The following TMEM200A variants were observed in gnomAD, a reference collection of about 807,000 sequenced individuals.
The protein encoded by TMEM200A is two transmembrane C.
Under a neutral mutation model 24.3 loss-of-function variants are expected in TMEM200A, and 12 were observed. The ratio of observed to expected loss-of-function variants is 0.49; its 90% confidence interval spans 0.32 to 0.80. The LOEUF (loss-of-function observed/expected upper bound fraction) is 0.80, where lower values mean the gene tolerates loss of function less well. TMEM200A is among the 30% of genes least tolerant of loss of function. The pLI, the probability that TMEM200A is intolerant of heterozygous loss-of-function variation, is 0.04. For missense variants in TMEM200A, 545 were observed against 614.4 expected (o/e 0.89, Z 1.19); for synonymous variants, 224 against 224.4 (o/e 1.00, Z 0.02).
At chr6:130,400,060 A>G (rs2115130011) in intron 2 of TMEM200A, among the ~76,000 whole-genome samples, 1 of 151,952 alleles carries the variant, frequency 6.6e-6, no homozygotes, top group South Asian at 2.1e-4. Context: ...ATATATATAC[A>G]TACACACACA....
intron 2 of TMEM200A, among the ~76,000 whole-genome samples, chr6:130,435,409 A>AATG (rs1779978901): frequency 6.6e-6 from 1 of 152,176 alleles, no homozygotes; most frequent in African/African-American, 2.4e-5. Context: ...ATGTCATCAA[A>AATG]ATGATGGTTG....
intron 2 of TMEM200A, among the ~76,000 whole-genome samples, chr6:130,386,156 C>T (rs1330685438): frequency 6.6e-6 from 1 of 152,062 alleles, no homozygotes; most frequent in African/African-American, 2.4e-5. Flanking sequence ...TAATCACAGC[C>T]CCTCTAAGAT....
intron 2 of TMEM200A, among the ~76,000 whole-genome samples, chr6:130,414,837 T>C (rs778287867): frequency 7.9e-5 from 12 of 152,128 alleles, no homozygotes; most frequent in Non-Finnish European, 1.6e-4. Flanking sequence ...TATAATCTAG[T>C]GGAGGAGACA....
chr6:130,422,635 T>TAATA, intron 2 of TMEM200A, among the ~76,000 whole-genome samples: 2 of 152,288 alleles, frequency 1.3e-5, no homozygotes, highest in Middle Eastern at 6.8e-3. Flanking sequence ...TGGGATATCA[T>TAATA]AATACTCGTG....
At chr6:130,410,107 T>C (rs753628162) in intron 2 of TMEM200A, among the ~76,000 whole-genome samples, 11 of 152,208 alleles carry the variant, frequency 7.2e-5, no homozygotes, top group Non-Finnish European at 1.6e-4. Flanking sequence ...GTTTAAGTTA[T>C]GGAATTGAGC....
rs1463913140 is a variant in TMEM200A, at chr6:130,419,007, C to T, written c.-16-21400C>T. Among the ~76,000 whole-genome samples, 3 of 152,044 alleles carry T rather than the reference C, an allele frequency of 2.0e-5. No individual in the cohort carries two copies. The East Asian group carries it at 5.8e-4, about 29-fold the overall frequency. On this transcript the variant is annotated intron_variant, in intron 2 of 2. Transcript: ENST00000296978. ...CCTACTCTGCTATTGAACATGAGAA[C>T]TTATTTCTTCTATCTAACTGTATGT...
chr6:130,440,549 C>T lies in TMEM200A; in HGVS notation c.127C>T (p.Arg43Trp), dbSNP rs375790729. 17 of 1,613,992 alleles carry T rather than the reference C, an allele frequency of 1.1e-5. No homozygotes were observed. The highest frequency in any genetic ancestry group is 4.4e-5 in the South Asian group (4 of 91,082). ...CCAAGAGAAGAAGCCCATCAGGCGC[C>T]GGCCCCGGGCAGATGTTGTGGTTGT... ...ATQEKKPIRRRPRADVVVVRG... is the reference protein window; with the variant it reads ...ATQEKKPIRRWPRADVVVVRG... Residue 43 changes from arginine to tryptophan, a missense_variant, in exon 3 of 3, where the codon CGG (arginine) becomes TGG (tryptophan). Physicochemically the swap from Arg to Trp is moderately radical, Grantham distance 101. Transcript: ENST00000296978.
At chr6:130,387,278 GT>G (rs1442239602) in intron 2 of TMEM200A, among the ~76,000 whole-genome samples, 1 of 152,058 alleles carries the variant, frequency 6.6e-6, no homozygotes, top group Non-Finnish European at 1.5e-5. Context: ...AGTTGTGTTT[GT>G]TTGTTTGTTT....
At chr6:130,408,111 A>C (rs6420748) in intron 2 of TMEM200A, among the ~76,000 whole-genome samples, 46,743 of 152,044 alleles carry the variant, frequency 0.31, 10,424 homozygotes, top group African/African-American at 0.63. Flanking sequence ...CAGGATAGTA[A>C]TAAAAGTGCC....
At chr6:130,392,950 T>G (rs539213902) in intron 2 of TMEM200A, among the ~76,000 whole-genome samples, 143 of 152,350 alleles carry the variant, frequency 9.4e-4, no homozygotes, top group Non-Finnish European at 1.8e-3. Flanking sequence ...GCACATTTCT[T>G]GACATGTAGT....
At chr6:130,365,878 C>A, upstream of TMEM200A, 1 of 985,618 alleles carries the variant, frequency 1.0e-6, no homozygotes, top group Non-Finnish European at 1.2e-6. Context: ...TGGGGTTTCC[C>A]ACAGGTTTTG....
At chr6:130,371,558 T>C (rs1778321993) in intron 1 of TMEM200A, among the ~76,000 whole-genome samples, 1 of 152,084 alleles carries the variant, frequency 6.6e-6, no homozygotes, top group South Asian at 2.1e-4. Context: ...GTGCCAGAAT[T>C]CCAGGTCAAA....
chr6:130,385,632 A>T (rs1204245575), intron 2 of TMEM200A, among the ~76,000 whole-genome samples: 1 of 152,202 alleles, frequency 6.6e-6, no homozygotes, highest in African/African-American at 2.4e-5. Context: ...TACAGAAAAA[A>T]ATAATTTTCT....
intron 2 of TMEM200A, among the ~76,000 whole-genome samples, chr6:130,401,509 T>C (rs139837195): frequency 4.6e-5 from 7 of 151,638 alleles, no homozygotes; most frequent in African/African-American, 1.4e-4. Context: ...CTCTCTTTCT[T>C]TTTTCTTTAC....
At chr6:130,372,890 CAATAGAAT>C (rs1252201675) in intron 1 of TMEM200A, among the ~76,000 whole-genome samples, 1 of 152,106 alleles carries the variant, frequency 6.6e-6, no homozygotes, top group African/African-American at 2.4e-5. Flanking sequence ...TAGAACAACT[CAATAGAAT>C]AATATGTAAA....
At chr6:130,373,470 G>A (rs1342837767) in intron 1 of TMEM200A, among the ~76,000 whole-genome samples, 1 of 151,960 alleles carries the variant, frequency 6.6e-6, no homozygotes, top group African/African-American at 2.4e-5. Flanking sequence ...AACCTACTCT[G>A]TTTGCTTAAT....
intron 2 of TMEM200A, among the ~76,000 whole-genome samples, chr6:130,419,112 T>C (rs1248704589): frequency 1.3e-5 from 2 of 152,174 alleles, no homozygotes; most frequent in African/African-American, 4.8e-5. Flanking sequence ...ACCATCCTAG[T>C]CTCTACCTCT....
intron 2 of TMEM200A, among the ~76,000 whole-genome samples, chr6:130,425,831 C>T (rs75739202): frequency 0.018 from 2,781 of 152,160 alleles, 23 homozygotes; most frequent in Non-Finnish European, 0.027. Flanking sequence ...CAAAAGACTA[C>T]AAATAAATCT....
Position 130,441,332 on chromosome 6 carries a change from A to C in TMEM200A, c.910A>C (p.Ser304Arg), listed in dbSNP as rs771916870. The C allele has an allele frequency of 1.2e-6, 2 of 1,614,160 alleles. No homozygotes were observed. Among genetic ancestry groups the C allele is most frequent in the Non-Finnish European group, 8.5e-7 (1 of 1,180,014 alleles). The change falls in exon 3 of 3, where the codon AGT (serine) becomes CGT (arginine). Residue 304 changes from serine (S) to arginine (R), a missense_variant. Ser to Arg is a moderately radical substitution (Grantham distance 110). Transcript: ENST00000296978. ...TAATAACTGTGTTATTGATGAGCCC[A>C]GTATAGATAACATCACTGAAGATGC... is the stretch of plus-strand genomic sequence containing the variant. The part of the protein sequence containing the change: ...KLNNCVIDEP[S>R]IDNITEDADN...
Sources: gnomAD v4.1 joint callset for allele counts (sites outside exome capture counted in the v4.1 genomes callset) on GRCh38, gnomAD v4.1.1 for gene constraint, MANE v1.5 for transcripts, NCBI Gene and HGNC (gene_info 2026-07-23, HGNC 2026-07-21) for gene names.